RIN2: variants seen among roughly 807,000 people sequenced by gnomAD.
The protein encoded by RIN2 is RAB5 interacting protein 2.
In RIN2, 36 loss-of-function variants were observed where a neutral mutation model predicts 78.0. The observed-to-expected ratio is 0.46, with a 90% CI of 0.35 to 0.61. The LOEUF is 0.61. Among genes scored for constraint, RIN2 ranks in the 20% least tolerant of loss-of-function variants. The pLI, the probability that RIN2 is intolerant of heterozygous loss-of-function variation, is 0.00. For missense variants in RIN2, 1,087 were observed against 1,159.7 expected (o/e 0.94, Z 0.91); for synonymous variants, 466 against 466.8 (o/e 1.00, Z 0.02).
chr20:19,998,412 C>T (rs928730310), intron 12 of RIN2, among the ~76,000 whole-genome samples: 4 of 152,096 alleles, frequency 2.6e-5, no homozygotes, highest in African/African-American at 9.6e-5. Context: ...GCCTTGGCAA[C>T]AAAGTGAGAC....
chr20:19,911,881 T>C lies in RIN2; in HGVS notation c.57+22223T>C, dbSNP rs115921092. ...ACATTTTTTACAAAATGAATCTCTT[T>C]GTTATCAGAATAGGTGAATCGCGTG... On this transcript the variant is annotated intron_variant, in intron 3 of 12. Coordinates refer to ENST00000255006, the MANE Select transcript of RIN2 (RefSeq NM_018993.4). 5.3e-3 allele frequency among the ~76,000 whole-genome samples: 809 copies of C among 152,314 alleles called. 5 individuals carry two copies. The highest frequency in any genetic ancestry group is 0.018 in the African/African-American group (745 of 41,586).
intron 1 of RIN2, among the ~76,000 whole-genome samples, chr20:19,782,381 A>G (rs571908976): frequency 7.2e-5 from 11 of 152,198 alleles, no homozygotes; most frequent in African/African-American, 2.4e-4. Flanking sequence ...CCTGGCCAAC[A>G]TGGTGAAACC....
At chr20:19,812,339 T>C (rs1008531257) in intron 2 of RIN2, among the ~76,000 whole-genome samples, 1 of 152,218 alleles carries the variant, frequency 6.6e-6, no homozygotes, top group Non-Finnish European at 1.5e-5. Flanking sequence ...ATCAACTATG[T>C]ATGGTGCTTC....
At chr20:19,935,294 C>T (rs2040595012) in intron 4 of RIN2, 95 bp downstream of exon 4, 2 of 1,275,672 alleles carry the variant, frequency 1.6e-6, no homozygotes, top group Non-Finnish European at 2.1e-6. Flanking sequence ...CCTCAGAAGT[C>T]TGGGAGCTGG....
Position 19,966,976 on chromosome 20 carries a change from G to A in RIN2, c.536+1952G>A, listed in dbSNP as rs372095809. Among the ~76,000 whole-genome samples, 186 of 152,188 alleles carry A rather than the reference G, an allele frequency of 1.2e-3. 3 individuals carry two copies. The South Asian group carries it at 0.037, about 31-fold the overall frequency. On this transcript the variant is annotated intron_variant, in intron 7 of 12. Coordinates refer to ENST00000255006, the MANE Select transcript of RIN2 (RefSeq NM_018993.4). The stretch of plus-strand genomic sequence containing the variant: ...GGAACCACACCTGGTATGGCCTAAA[G>A]CCAACCAGGTTGGAGGAGTAAGTCT...
At chr20:19,988,561 C>G (rs1381517526) in intron 9 of RIN2, among the ~76,000 whole-genome samples, 1 of 152,120 alleles carries the variant, frequency 6.6e-6, no homozygotes, top group African/African-American at 2.4e-5. Flanking sequence ...CGTGTGAGGT[C>G]AAAAAGCTGC....
intron 2 of RIN2, among the ~76,000 whole-genome samples, chr20:19,873,913 C>T (rs1359041971): frequency 6.6e-6 from 1 of 152,148 alleles, no homozygotes; most frequent in Non-Finnish European, 1.5e-5. Context: ...TGTGGTCATT[C>T]GTGCACATAC....
At chr20:19,778,342 A>C (rs2034383965) in intron 1 of RIN2, among the ~76,000 whole-genome samples, 1 of 152,250 alleles carries the variant, frequency 6.6e-6, no homozygotes, top group African/African-American at 2.4e-5. Flanking sequence ...AGAAATGTCA[A>C]AGTATGTGCC....
chr20:19,836,843 AT>A (rs1361865433), intron 2 of RIN2, among the ~76,000 whole-genome samples: 1 of 152,138 alleles, frequency 6.6e-6, no homozygotes, highest in Non-Finnish European at 1.5e-5. Context: ...TCTTAAATAA[AT>A]TTTTGTTGAT....
At chr20:19,986,926 A>C (rs911252434) in intron 9 of RIN2, among the ~76,000 whole-genome samples, 2 of 152,204 alleles carry the variant, frequency 1.3e-5, no homozygotes, top group African/African-American at 4.8e-5. Context: ...GAACATCTCT[A>C]ATCCCTGGTG....
chr20:19,910,775 C>T (rs928105139), intron 3 of RIN2, among the ~76,000 whole-genome samples: 4 of 151,660 alleles, frequency 2.6e-5, no homozygotes, highest in African/African-American at 9.7e-5. Context: ...TCCATGTTGG[C>T]CAGGCTGGTC....
chr20:19,797,859 C>CTTTTTTTT (rs750371451), intron 1 of RIN2, among the ~76,000 whole-genome samples: 1 of 128,114 alleles, frequency 7.8e-6, no homozygotes, highest in Non-Finnish European at 1.6e-5. Flanking sequence ...TCTACTTAAT[C>CTTTTTTTT]TTTTTTTTTT....
chr20:19,767,000 G>A (rs1334834551), intron 1 of RIN2, among the ~76,000 whole-genome samples: 1 of 152,056 alleles, frequency 6.6e-6, no homozygotes, highest in Non-Finnish European at 1.5e-5. Context: ...AGGGGCCAAG[G>A]GAAAAGTTCT....
chr20:19,901,348 T>C (rs1338103275), intron 3 of RIN2, among the ~76,000 whole-genome samples: 1 of 138,494 alleles, frequency 7.2e-6, no homozygotes, highest in Non-Finnish European at 1.6e-5. Flanking sequence ...CAAAAGCATC[T>C]GCACACAGAT....
chr20:19,990,345 TTCCCTTCCGGGCCGGGGACAGGCCTC>T lies in RIN2; in HGVS notation c.2068+37_2068+62del, dbSNP rs1173630187. ...GCTGGAAGCCCAGGCTTCGTGCCGC[TTCCCTTCCGGGCCGGGGACAGGCCTC>T]TCTCCTGTCAGGCTTTCTGATTCCC... On this transcript the variant is annotated intron_variant, in intron 10 of 12. Coordinates refer to ENST00000255006, the MANE Select transcript of RIN2 (RefSeq NM_018993.4). 5 of 1,578,684 alleles carry T rather than the reference TTCCCTTCCGGGCCGGGGACAGGCCTC, an allele frequency of 3.2e-6. No individual in the cohort carries two copies. The South Asian group carries it at 5.9e-5, about 19-fold the overall frequency.
rs1279295968 is a variant in RIN2, at chr20:19,961,819, C to T, written c.463+1008C>T. 2.0e-5 allele frequency among the ~76,000 whole-genome samples: 3 copies of T among 152,042 alleles called. No individual in the cohort carries two copies. In the East Asian group the frequency reaches 5.8e-4, roughly 29 times the overall value. ...CATGGATGCCAGGGAAAAACTTCCC[C>T]CTGAAAGGCGCACAAGCAGGCGGAA... On this transcript the variant is annotated intron_variant, in intron 6 of 12. Transcript: ENST00000255006.
At chr20:19,995,822 T>C (rs2042944157) in intron 11 of RIN2, among the ~76,000 whole-genome samples, 1 of 152,182 alleles carries the variant, frequency 6.6e-6, no homozygotes, top group African/African-American at 2.4e-5. Context: ...TTTTACTTTT[T>C]TTTAAACCAA....
At chr20:19,814,050 G>A (rs868442280) in intron 2 of RIN2, among the ~76,000 whole-genome samples, 3 of 152,144 alleles carry the variant, frequency 2.0e-5, no homozygotes, top group East Asian at 1.9e-4. Context: ...AAAAATAGTC[G>A]TATCACGTGC....
chr20:19,788,238 A>G (rs952703896), intron 1 of RIN2, among the ~76,000 whole-genome samples: 1 of 152,106 alleles, frequency 6.6e-6, no homozygotes, highest in African/African-American at 2.4e-5. Context: ...GTATTCAACA[A>G]TATACTGGTA....
Sources: allele counts gnomAD v4.1 joint callset (sites outside exome capture counted in the v4.1 genomes callset), GRCh38; gene constraint gnomAD v4.1.1; transcripts MANE v1.5; gene names NCBI Gene and HGNC (gene_info 2026-07-23, HGNC 2026-07-21).